The following SLC25A26 variants were observed in gnomAD, a reference collection of about 807,000 sequenced individuals.
SLC25A26 encodes the protein mitochondrial S-adenosylmethionine carrier protein.
Under a neutral mutation model 37.8 loss-of-function variants are expected in SLC25A26, and 36 were observed. That is an observed-to-expected ratio of 0.95 (90% confidence interval 0.73 to 1.26). SLC25A26 has a LOEUF of 1.26. SLC25A26 is among the 50% of genes most tolerant of loss of function. The pLI is 0.00. For missense variants in SLC25A26, 390 were observed against 331.1 expected (o/e 1.18, Z -1.38); for synonymous variants, 129 against 122.5 (o/e 1.05, Z -0.35).
chr3:66,248,919 G>C (rs918543998), intron 3 of SLC25A26, among the ~76,000 whole-genome samples: 5 of 152,274 alleles, frequency 3.3e-5, no homozygotes, highest in African/African-American at 1.2e-4. Flanking sequence ...ACAATCTCTA[G>C]ATGATTGTGC....
At position 66,264,405 on chromosome 3, in the gene SLC25A26, G is replaced by A. The variant is rs143273197; in HGVS notation, c.453+1026G>A. Among the ~76,000 whole-genome samples, 38 of 152,318 alleles carry A rather than the reference G, an allele frequency of 2.5e-4. 1 individual carries two copies. The East Asian group carries it at 6.4e-3, about 26-fold the overall frequency. ...GGACCCCAACCCCAGGGCCGTGGAC[G>A]TGTACTGGTCCGTGGCCTGGTACTA... On this transcript the variant is annotated intron_variant, in intron 5 of 9. Transcript: ENST00000354883.
chr3:66,166,232 G>T (rs1432568343), intron 1 of SLC25A26, among the ~76,000 whole-genome samples: 1 of 152,160 alleles, frequency 6.6e-6, no homozygotes, highest in Non-Finnish European at 1.5e-5. Context: ...CAAGCAAAGG[G>T]TGCTAATTTA....
intron 5 of SLC25A26, among the ~76,000 whole-genome samples, chr3:66,267,931 C>G (rs575373091): frequency 6.6e-6 from 1 of 152,316 alleles, no homozygotes; most frequent in South Asian, 2.1e-4. Context: ...AAGGACTGCC[C>G]TCCAAAGTCT....
rs577860207 is a variant in SLC25A26, at chr3:66,182,094, A to T, written c.-353-38648A>T. Among the ~76,000 whole-genome samples the T allele has an allele frequency of 1.6e-3, 243 of 152,264 alleles. 1 individual carries two copies. Among genetic ancestry groups the T allele is most frequent in the African/African-American group, 5.5e-3 (230 of 41,552 alleles). On this transcript the variant is annotated intron_variant, in intron 1 of 10. Coordinates refer to the SLC25A26 transcript ENST00000676754. ...TCTTATCTGAAAACTGACACGAAGC[A>T]CAGGCAACTAGGACAAAAAGAAAGA...
chr3:66,188,476 C>T (rs888248505), intron 1 of SLC25A26, among the ~76,000 whole-genome samples: 2 of 152,140 alleles, frequency 1.3e-5, no homozygotes, highest in Admixed American at 1.3e-4. Context: ...CTATTAGTTC[C>T]CATGAGATCT....
chr3:66,250,307 G>A (rs892089351), intron 3 of SLC25A26, among the ~76,000 whole-genome samples: 1 of 152,196 alleles, frequency 6.6e-6, no homozygotes, highest in South Asian at 2.1e-4. Context: ...AGGATGAAAT[G>A]ACAGGATAAG....
chr3:66,355,419 G>C (rs2076553030), intron 6 of SLC25A26, among the ~76,000 whole-genome samples: 1 of 152,036 alleles, frequency 6.6e-6, no homozygotes, highest in South Asian at 2.1e-4. Context: ...TATAACCCAA[G>C]TCAGCCTGTA....
chr3:66,269,953 T>C (rs1362291237), intron 5 of SLC25A26, among the ~76,000 whole-genome samples: 1 of 152,214 alleles, frequency 6.6e-6, no homozygotes, highest in Non-Finnish European at 1.5e-5. Context: ...TCTAGCATAA[T>C]ATCTTCTACA....
chr3:66,338,192 G>A (rs911779279), intron 5 of SLC25A26, among the ~76,000 whole-genome samples: 1 of 151,806 alleles, frequency 6.6e-6, no homozygotes, highest in African/African-American at 2.4e-5. Flanking sequence ...TTTTTTCATT[G>A]TATTACTAAT....
chr3:66,166,262 C>T (rs576964546), intron 1 of SLC25A26, among the ~76,000 whole-genome samples: 14 of 152,274 alleles, frequency 9.2e-5, no homozygotes, highest in African/African-American at 3.4e-4. Context: ...ATTTGGCTCC[C>T]TTTATTGCTG....
chr3:66,150,016 G>A lies in SLC25A26; in HGVS notation c.-354+16032G>A, dbSNP rs78214365. 2.8e-3 allele frequency among the ~76,000 whole-genome samples: 424 copies of A among 152,208 alleles called. 11 individuals are homozygous for A. In the East Asian group the frequency reaches 0.073, roughly 26 times the overall value. ...ACCTATGTTTATTCTGTGACCAAACGTGGGGCTTTTCAAGGTTCATAGGCT... is the reference window on the plus strand; with the variant it reads ...ACCTATGTTTATTCTGTGACCAAACATGGGGCTTTTCAAGGTTCATAGGCT... On this transcript the variant is annotated intron_variant, in intron 1 of 10. Transcript: ENST00000676754.
At chr3:66,359,154 G>T (rs1366935951) in intron 6 of SLC25A26, among the ~76,000 whole-genome samples, 1 of 152,152 alleles carries the variant, frequency 6.6e-6, no homozygotes, top group African/African-American at 2.4e-5. Flanking sequence ...TTTAAATGTT[G>T]TCTTCAGCCA....
chr3:66,252,934 C>T (rs1420563247), intron 3 of SLC25A26, among the ~76,000 whole-genome samples: 2 of 150,992 alleles, frequency 1.3e-5, no homozygotes, highest in East Asian at 3.9e-4. Flanking sequence ...GGTAAGTATA[C>T]TACTTGTGCA....
intron 5 of SLC25A26, among the ~76,000 whole-genome samples, chr3:66,338,713 C>T (rs907866746): frequency 8.6e-5 from 13 of 151,946 alleles, no homozygotes; most frequent in African/African-American, 3.1e-4. Context: ...TTCCCCTTCC[C>T]CTAGCCAAAC....
exon 1 of SLC25A26, chr3:66,133,957 G>T (rs779164117): frequency 1.3e-5 from 2 of 152,066 alleles, no homozygotes; most frequent in Non-Finnish European, 2.9e-5. Context: ...ATGAAAAGAC[G>T]CAAAGAAAAT....
chr3:66,302,554 GT>G (rs1559676224), intron 5 of SLC25A26, among the ~76,000 whole-genome samples: 1 of 152,164 alleles, frequency 6.6e-6, no homozygotes, highest in African/African-American at 2.4e-5. Context: ...GCAGTTTAGA[GT>G]AAGCAGCGGT....
intron 3 of SLC25A26, among the ~76,000 whole-genome samples, chr3:66,255,382 TTGG>T (rs782611983): frequency 6.6e-5 from 10 of 152,176 alleles, no homozygotes; most frequent in Non-Finnish European, 7.3e-5. Context: ...AAGAAAAATC[TTGG>T]TAGCAGCATC....
intron 1 of SLC25A26, among the ~76,000 whole-genome samples, chr3:66,174,847 A>C (rs1407385867): frequency 6.6e-6 from 1 of 151,286 alleles, no homozygotes; most frequent in Admixed American, 6.6e-5. Context: ...GTCACAAAAT[A>C]TTGCTATGCA....
chr3:66,249,562 C>G (rs2072998104), intron 3 of SLC25A26, among the ~76,000 whole-genome samples: 1 of 152,170 alleles, frequency 6.6e-6, no homozygotes, highest in South Asian at 2.1e-4. Context: ...CTTCACTGGC[C>G]TTTTCTAAGA....
Sources: allele counts gnomAD v4.1 joint callset (sites outside exome capture counted in the v4.1 genomes callset), GRCh38; gene constraint gnomAD v4.1.1; transcripts MANE v1.5; gene names NCBI Gene and HGNC (gene_info 2026-07-23, HGNC 2026-07-21).